Variants in SMC3 observed in about 807,000 individuals in gnomAD.
SMC3 encodes the protein structural maintenance of chromosomes 3.
SMC3 carries 20 observed loss-of-function variants against 171.8 expected under a neutral mutation model. The ratio of observed to expected loss-of-function variants is 0.12; its 90% CI spans 0.08 to 0.17. The LOEUF (loss-of-function observed/expected upper bound fraction) is 0.17. Ranked by LOEUF, SMC3 falls within the 10% of genes least tolerant of loss-of-function variation. The pLI, the probability that SMC3 is intolerant of heterozygous loss-of-function variation, is 1.00. For synonymous variants in SMC3, 464 were observed against 451.1 expected, an observed-to-expected ratio of 1.03 and a Z score of -0.36; for missense variants, 543 against 1,420.4, an observed-to-expected ratio of 0.38 and a Z score of 9.93.
rs142262783 is a variant in SMC3 at position 110,583,395 on chromosome 10, C to T, written c.816C>T (p.Arg272=). The stretch of plus-strand genomic sequence containing the variant: ...ATACTTTTGAATAGGATATCGAACG[C>T]CAAGTTAGAGAATTGAAAACAAAAA... ...DARDKMEDIE[R]QVRELKTKIS... Residue 272 remains arginine, a synonymous_variant, in exon 11 of 29, where the codon CGC becomes CGT. Transcript: ENST00000361804. The T allele has an allele frequency of 5.6e-6, 9 of 1,613,118 alleles. No individual in the cohort carries two copies. The highest frequency in any genetic ancestry group is 1.3e-5 in the African/African-American group (1 of 74,776).
At chr10:110,595,435 T>C (rs1861284105) in intron 18 of SMC3, among the ~76,000 whole-genome samples, 1 of 152,206 alleles carries the variant, frequency 6.6e-6, no homozygotes, top group South Asian at 2.1e-4. Flanking sequence ...ACTTATGGTG[T>C]CATATAATGT....
Position 110,601,842 on chromosome 10 carries a change from C to G in SMC3, c.2850C>G (p.Pro950=), listed in dbSNP as rs771265619. ...MKKIRELGSL[P]QEAFEKYQTL... is the part of the protein sequence containing the mutation. ...AAATTCGAGAACTTGGATCACTTCC[C>G]CAGGAAGCATTTGAAAAGTACCAGA... Residue 950 remains proline, a synonymous_variant, in exon 24 of 29, where the codon CCC becomes CCG. Coordinates refer to ENST00000361804, the MANE Select transcript of SMC3 (RefSeq NM_005445.4). 11 of 1,613,740 alleles carry G rather than the reference C, an allele frequency of 6.8e-6. No homozygotes were observed. The highest frequency in any genetic ancestry group is 9.3e-6 in the Non-Finnish European group (11 of 1,179,920).
intron 13 of SMC3, among the ~76,000 whole-genome samples, chr10:110,585,326 G>A (rs919805161): frequency 2.1e-5 from 3 of 142,912 alleles, no homozygotes; most frequent in Admixed American, 7.3e-5. Flanking sequence ...GTCTCACTGT[G>A]TCACCCAGTC....
At chr10:110,599,553 GTCTA>G in intron 20 of SMC3, 97 bp from the exon 21 acceptor site, 1 of 1,023,112 alleles carries the variant, frequency 9.8e-7, no homozygotes, top group South Asian at 1.6e-5. Flanking sequence ...GAGTTGATAT[GTCTA>G]TATATTTAGC....
chr10:110,577,873 T>C lies in SMC3; in HGVS notation c.309T>C (p.Gly103=). The C allele has an allele frequency of 6.2e-7, 1 of 1,613,422 alleles. No homozygotes were observed. Among genetic ancestry groups the C allele is most frequent in the Non-Finnish European group, 8.5e-7 (1 of 1,179,452 alleles). The part of the protein sequence containing the change: ...KEEVSLRRVI[G]AKKDQYFLDK... ...AAGTTTCACTTCGAAGAGTTATTGG[T>C]GCCAAAAAGGATCAGTATTTCTTAG... Residue 103 remains glycine, a synonymous_variant, in exon 6 of 29, where the codon GGT becomes GGC. Transcript: ENST00000361804.
intron 3 of SMC3, among the ~76,000 whole-genome samples, chr10:110,574,409 T>G (rs1031342677): frequency 3.9e-5 from 6 of 152,170 alleles, no homozygotes; most frequent in African/African-American, 1.4e-4. Flanking sequence ...GTTGAAAAAT[T>G]TGAACTTTTT....
At position 110,602,934 on chromosome 10, in the gene SMC3, C is replaced by T. The variant is rs752555183; in HGVS notation, c.3407C>T (p.Pro1136Leu). The change falls in exon 27 of 29, where the codon CCG (proline) becomes CTG (leucine). Residue 1136 changes from proline to leucine, a missense_variant. Pro to Leu is a moderately conservative substitution (Grantham distance 98). This residue lies in a region of SMC3 where 31 missense variants were observed against 150.9 expected (regional missense o/e 0.21). Transcript: ENST00000361804. ...ATTTTTGCCATTCAGAAATGTGACCCGGCTCCATTTTACTTGTTTGATGAA... is the reference window on the plus strand; with the variant it reads ...ATTTTTGCCATTCAGAAATGTGACCTGGCTCCATTTTACTTGTTTGATGAA... The part of the protein sequence containing the change: ...ALIFAIQKCD[P>L]APFYLFDEID... The T allele has an allele frequency of 1.9e-6, 3 of 1,614,044 alleles. No homozygotes were observed. The highest frequency in any genetic ancestry group is 2.5e-6 in the Non-Finnish European group (3 of 1,179,982).
chr10:110,589,584 A>G, intron 13 of SMC3, 21 bp from the exon 14 acceptor site: 1 of 1,503,518 alleles, frequency 6.7e-7, no homozygotes, highest in Non-Finnish European at 9.2e-7. Flanking sequence ...TTGAATTTTA[A>G]ATTTATTTTT....
At position 110,599,726 on chromosome 10, in the gene SMC3, C is replaced by G; in HGVS notation, c.2341C>G (p.Leu781Val). 6.2e-7 allele frequency: 1 copy of G among 1,614,014 alleles called. No individual in the cohort carries two copies. The highest frequency in any genetic ancestry group is 8.5e-7 in the Non-Finnish European group (1 of 1,179,934). The change falls in exon 21 of 29, where the codon CTG becomes GTG. Residue 781 changes from leucine (L) to valine (V), a missense_variant. Coordinates refer to ENST00000361804, the MANE Select transcript of SMC3 (RefSeq NM_005445.4). Reference protein sequence around the residue: ...ESTRESLKAELGTDLLSQLSL... With the variant: ...ESTRESLKAEVGTDLLSQLSL... ...TACCAGAGAGTCATTGAAAGCAGAA[C>G]TGGGAACTGATTTGCTTTCTCAACT...
intron 20 of SMC3, 75 bp from the exon 21 acceptor site, chr10:110,599,579 T>C: frequency 7.4e-7 from 1 of 1,342,450 alleles, no homozygotes; most frequent in African/African-American, 1.5e-5. Context: ...CAATCAAATA[T>C]AGATTGTTTT....
intron 10 of SMC3, 130 bp from the exon 11 acceptor site, chr10:110,583,254 G>A (rs1179394549): frequency 4.0e-6 from 3 of 748,400 alleles, no homozygotes; most frequent in African/African-American, 3.5e-5. Flanking sequence ...TTACACAAGG[G>A]AGAGTTAGAG....
intron 28 of SMC3, 60 bp from the exon 29 acceptor site, chr10:110,604,171 C>A: frequency 2.1e-6 from 2 of 959,842 alleles, no homozygotes; most frequent in South Asian, 2.6e-5. Flanking sequence ...TATATTTACC[C>A]TATACAATGT....
rs746363462 is a variant in SMC3 at position 110,567,798 on chromosome 10, A to G, written c.-19A>G. ...GCTGCTCCGGGGCAGGTCTCCTTCC[A>G]GGCCAGGGGCCCGGAATCATGTACA... On this transcript the variant is annotated 5_prime_UTR_variant, in exon 1 of 29. Coordinates refer to ENST00000361804, the MANE Select transcript of SMC3 (RefSeq NM_005445.4). 2 of 1,613,344 alleles carry G rather than the reference A, an allele frequency of 1.2e-6. No individual in the cohort carries two copies. Among genetic ancestry groups the G allele is most frequent in the Non-Finnish European group, 1.7e-6 (2 of 1,179,716 alleles).
intron 2 of SMC3, among the ~76,000 whole-genome samples, chr10:110,572,552 GGTCT>G (rs762619747): frequency 1.3e-5 from 2 of 152,110 alleles, no homozygotes; most frequent in Non-Finnish European, 2.9e-5. Flanking sequence ...AGGCACATGA[GGTCT>G]GTCTGACTCT....
intron 11 of SMC3, 83 bp from the exon 12 acceptor site, chr10:110,583,758 G>T (rs1206146242): frequency 6.0e-6 from 9 of 1,502,372 alleles, no homozygotes; most frequent in South Asian, 3.6e-5. Flanking sequence ...TTCTCATGAA[G>T]TTTTTTTCCT....
Position 110,567,790 on chromosome 10 carries a change from C to G in SMC3, c.-27C>G. 6.2e-7 allele frequency: 1 copy of G among 1,613,378 alleles called. No homozygotes were observed. The highest frequency in any genetic ancestry group is 8.5e-7 in the Non-Finnish European group (1 of 1,179,768). On this transcript the variant is annotated 5_prime_UTR_variant, in exon 1 of 29. Transcript: ENST00000361804. ...GTGCGGTTGCTGCTCCGGGGCAGGT[C>G]TCCTTCCAGGCCAGGGGCCCGGAAT... is the stretch of plus-strand genomic sequence containing the variant.
At chr10:110,585,246 C>T (rs1316604333) in intron 13 of SMC3, among the ~76,000 whole-genome samples, 78 of 150,936 alleles carry the variant, frequency 5.2e-4, no homozygotes, top group Admixed American at 5.2e-3. Flanking sequence ...TCCCAAAGTG[C>T]TGGGGTTACA....
rs1250397403 is a variant in SMC3 at position 110,605,323 on chromosome 10, A to C, written c.*1021A>C. ...GGAAAACTACCTCAATAGTCCTCGT[A>C]GCTTTTTGTAGATTCTTTGAGATTT... On this transcript the variant is annotated 3_prime_UTR_variant, in exon 29 of 29. Transcript: ENST00000361804. Among the ~76,000 whole-genome samples, 2 of 152,116 alleles carry C rather than the reference A, an allele frequency of 1.3e-5. No homozygotes were observed. Among genetic ancestry groups the C allele is most frequent in the Non-Finnish European group, 2.9e-5 (2 of 67,994 alleles).
chr10:110,599,566 GCTCA>G (rs1309111951), intron 20 of SMC3, 84 bp from the exon 21 acceptor site: 5 of 1,172,636 alleles, frequency 4.3e-6, no homozygotes, highest in Non-Finnish European at 6.1e-6. Context: ...TATATATTTA[GCTCA>G]ATCAAATATA....
Sources: gnomAD v4.1 joint callset for allele counts (sites outside exome capture counted in the v4.1 genomes callset) on GRCh38, gnomAD v4.1.1 for gene constraint, gnomAD v4.1.1 regional missense constraint, MANE v1.5 for transcripts, NCBI Gene and HGNC (gene_info 2026-07-23, HGNC 2026-07-21) for gene names.